Variants in TCF12 observed in about 807,000 individuals in gnomAD.
The protein encoded by TCF12 is transcription factor 12.
A neutral mutation model predicts 86.0 loss-of-function variants in TCF12; 45 were observed. That is an observed-to-expected ratio of 0.52 (90% CI 0.41 to 0.67). The LOEUF is 0.67. Ranked by LOEUF, TCF12 falls within the 30% of genes least tolerant of loss-of-function variation. TCF12 has a pLI of 0.00. For synonymous variants in TCF12, 330 were observed against 299.6 expected (o/e 1.10, Z -1.05); for missense variants, 881 against 859.9 (o/e 1.02, Z -0.31).
intron 6 of TCF12, among the ~76,000 whole-genome samples, chr15:57,176,222 T>G (rs1345784177): frequency 6.6e-6 from 1 of 152,110 alleles, no homozygotes; most frequent in Non-Finnish European, 1.5e-5. Flanking sequence ...TAGAAGACCT[T>G]AAAATGTTCC....
In TCF12 at chr15:57,164,588, C is replaced by T. The variant is rs539222256; in HGVS notation, c.326-1814C>T. Among the ~76,000 whole-genome samples, 10 of 152,262 alleles carry T rather than the reference C, an allele frequency of 6.6e-5. No homozygotes were observed. In the East Asian group the frequency reaches 1.4e-3, roughly 21 times the overall value. ...CCACCAGGTCCCTCCCACGACATGTCGGGATTATGGGATCTACAATTCAGG... is the reference window on the plus strand; with the variant it reads ...CCACCAGGTCCCTCCCACGACATGTTGGGATTATGGGATCTACAATTCAGG... On this transcript the variant is annotated intron_variant, in intron 5 of 20. Transcript: ENST00000333725.
intron 8 of TCF12, among the ~76,000 whole-genome samples, chr15:57,221,996 C>G (rs777709484): frequency 6.6e-6 from 1 of 151,890 alleles, no homozygotes; most frequent in Non-Finnish European, 1.5e-5. Context: ...TATGTCTTCA[C>G]TTAAGTTATA....
At chr15:57,216,105 T>C (rs2058320305) in intron 8 of TCF12, among the ~76,000 whole-genome samples, 1 of 152,158 alleles carries the variant, frequency 6.6e-6, no homozygotes, top group Non-Finnish European at 1.5e-5. Context: ...GCTTAATGAC[T>C]ACTGGAATAG....
chr15:57,155,023 T>A (rs557888128), intron 5 of TCF12, among the ~76,000 whole-genome samples: 1 of 152,324 alleles, frequency 6.6e-6, no homozygotes, highest in East Asian at 1.9e-4. Context: ...AGAACTATTT[T>A]TATCCTTGTT....
At chr15:57,129,264 C>G (rs191279943) in intron 5 of TCF12, among the ~76,000 whole-genome samples, 3 of 152,198 alleles carry the variant, frequency 2.0e-5, no homozygotes, top group Non-Finnish European at 2.9e-5. Flanking sequence ...TCCCTAATGA[C>G]TAATAATGAA....
Position 57,288,700 on chromosome 15 carries a change from C to G in TCF12, c.*2555C>G, listed in dbSNP as rs926955613. 1.2e-4 allele frequency: 18 copies of G among 152,334 alleles called. No homozygotes were observed. The highest frequency in any genetic ancestry group is 3.8e-4 in the African/African-American group (16 of 41,576). The allele number at this position is 152,334 out of a possible 1,614,324, so 9.4% of individuals were successfully genotyped here. A position where few individuals can be genotyped will look rare whatever the true frequency, so the allele number is the denominator to read the frequency against. ...AAGTTGGCAATCTGGTCTAGAGCTT[C>G]TCTAGCTTGTGCTTTTCTCCTCTTG... On this transcript the variant is annotated 3_prime_UTR_variant, in exon 21 of 21. Coordinates refer to ENST00000333725, the MANE Select transcript of TCF12 (RefSeq NM_207037.2).
At chr15:56,925,416 A>G (rs545528824) in intron 3 of TCF12, among the ~76,000 whole-genome samples, 4 of 152,310 alleles carry the variant, frequency 2.6e-5, no homozygotes, top group African/African-American at 7.2e-5. Flanking sequence ...TCTGTCTTCA[A>G]GGTATCCTTT....
rs527665020 is a variant in TCF12 at position 56,920,030 on chromosome 15, TTTTGTTTG to T, written c.75+58_75+65del. 399 of 1,605,812 alleles carry T rather than the reference TTTTGTTTG, an allele frequency of 2.5e-4. No individual in the cohort carries two copies. The African/African-American group carries it at 4.2e-3, about 17-fold the overall frequency. On this transcript the variant is annotated intron_variant, in intron 2 of 20. Transcript: ENST00000333725. ...TGGCATCTTGGGGTTCTGCTGAGGT[TTTTGTTTG>T]TTTGTTTGTTTGTTTCTTTTAAATA...
At chr15:56,968,366 T>C (rs2062113642) in intron 3 of TCF12, among the ~76,000 whole-genome samples, 1 of 18,064 alleles carries the variant, frequency 5.5e-5, no homozygotes, top group Non-Finnish European at 3.6e-4. Context: ...CTTTTTTTGT[T>C]TTTTTTTTTT....
chr15:57,111,890 G>T (rs114180559), intron 5 of TCF12, among the ~76,000 whole-genome samples: 20 of 152,284 alleles, frequency 1.3e-4, no homozygotes, highest in African/African-American at 4.8e-4. Flanking sequence ...ACCGCACCTG[G>T]CTGGCTTGTT....
At chr15:57,257,107 ACTTTATTTACAAAAACAAGCTC>A (rs1370571976) in intron 16 of TCF12, among the ~76,000 whole-genome samples, 3 of 152,220 alleles carry the variant, frequency 2.0e-5, no homozygotes, top group Non-Finnish European at 4.4e-5. Context: ...TTCCAATAAA[ACTTTATTTACAAAAACAAGCTC>A]CTTTATTTAC....
At chr15:57,103,550 T>C (rs1188632900) in intron 5 of TCF12, among the ~76,000 whole-genome samples, 1 of 152,222 alleles carries the variant, frequency 6.6e-6, no homozygotes, top group Non-Finnish European at 1.5e-5. Context: ...AGATGAATTT[T>C]CATACCCAAT....
chr15:57,182,784 T>G (rs1299942425), intron 6 of TCF12, among the ~76,000 whole-genome samples: 4 of 152,172 alleles, frequency 2.6e-5, no homozygotes, highest in Non-Finnish European at 5.9e-5. Flanking sequence ...CAAAAAAATT[T>G]GTTCTCCTTT....
rs547507135 is a variant in TCF12, at chr15:56,936,970, A to G, written c.148+15872A>G. On this transcript the variant is annotated intron_variant, in intron 3 of 20. Coordinates refer to ENST00000333725, the MANE Select transcript of TCF12 (RefSeq NM_207037.2). Reference sequence around the variant, plus strand: ...GCTGTGATGGCTCTTCTGGTTCCATATGAATTTTAGGATTTTTTTTTCCAG... The same window carrying G: ...GCTGTGATGGCTCTTCTGGTTCCATGTGAATTTTAGGATTTTTTTTTCCAG... Among the ~76,000 whole-genome samples, 27 of 152,206 alleles carry G rather than the reference A, an allele frequency of 1.8e-4. No homozygotes were observed. In the South Asian group the frequency reaches 4.1e-3, roughly 23 times the overall value.
intron 8 of TCF12, among the ~76,000 whole-genome samples, chr15:57,223,373 A>T (rs1344121003): frequency 6.6e-6 from 1 of 152,066 alleles, no homozygotes; most frequent in Non-Finnish European, 1.5e-5. Flanking sequence ...GTATTTGGAT[A>T]TGTAAAAATA....
intron 6 of TCF12, among the ~76,000 whole-genome samples, chr15:57,188,362 C>T (rs1036787239): frequency 6.6e-6 from 1 of 152,094 alleles, no homozygotes; most frequent in African/African-American, 2.4e-5. Context: ...GTATTCAGTC[C>T]ATTTGAACAC....
intron 5 of TCF12, 21 bp from the exon 6 acceptor site, chr15:57,166,381 G>A (rs949578933): frequency 6.2e-7 from 1 of 1,604,094 alleles, no homozygotes; most frequent in Non-Finnish European, 8.5e-7. Context: ...TTTATATAAA[G>A]TTAATTTCTT....
chr15:57,201,932 T>C (rs2057560656), intron 8 of TCF12, among the ~76,000 whole-genome samples: 1 of 152,134 alleles, frequency 6.6e-6, no homozygotes, highest in Admixed American at 6.5e-5. Context: ...GGGGCAGGGT[T>C]TTTTCCTGGT....
At chr15:57,219,640 C>T (rs746068985) in intron 8 of TCF12, 67 of 1,553,932 alleles carry the variant, frequency 4.3e-5, no homozygotes, top group Non-Finnish European at 5.7e-5. Context: ...TAAAGGAAAG[C>T]AGTATACATT....
Sources: gnomAD v4.1 joint callset for allele counts (sites outside exome capture counted in the v4.1 genomes callset) on GRCh38, gnomAD v4.1.1 for gene constraint, MANE v1.5 for transcripts, NCBI Gene and HGNC (gene_info 2026-07-23, HGNC 2026-07-21) for gene names.